AAK1: variants seen among roughly 807,000 people sequenced by gnomAD.
AAK1 encodes AP2-associated protein kinase 1.
AAK1 carries 37 observed loss-of-function variants against 116.0 expected under a neutral mutation model. The observed-to-expected ratio is 0.32, with a 90% confidence interval of 0.25 to 0.42. The LOEUF (loss-of-function observed/expected upper bound fraction) is 0.42, where lower values mean the gene tolerates loss of function less well. Ranked by LOEUF, AAK1 falls within the 10% of genes least tolerant of loss-of-function variation. The pLI is 1.00. For synonymous variants in AAK1, 458 were observed against 439.9 expected, an observed-to-expected ratio of 1.04 and a Z score of -0.51; for missense variants, 919 against 1,170.6, an observed-to-expected ratio of 0.79 and a Z score of 3.14.
At chr2:69,587,295 G>A (rs749380956) in intron 2 of AAK1, among the ~76,000 whole-genome samples, 16 of 149,514 alleles carry the variant, frequency 1.1e-4, no homozygotes, top group East Asian at 4.0e-4. Context: ...GTATACACAC[G>A]TATATACGCA....
At chr2:69,571,364 GAGAC>G (rs1367286165) in intron 2 of AAK1, among the ~76,000 whole-genome samples, 2 of 152,186 alleles carry the variant, frequency 1.3e-5, no homozygotes, top group African/African-American at 4.8e-5. Context: ...GTGTTCCAGA[GAGAC>G]AGACAGAGAG....
rs187444876 is a variant in AAK1, at chr2:69,461,872, G to A, written c.*13997C>T. 703 of 198,346 alleles carry A rather than the reference G, an allele frequency of 3.5e-3. 7 individuals carry two copies. Among genetic ancestry groups the A allele is most frequent in the African/African-American group, 0.016 (667 of 41,834 alleles). The allele number at this position is 198,346 out of a possible 1,614,324, so 12.3% of individuals were successfully genotyped here. On this transcript the variant is annotated 3_prime_UTR_variant, in exon 22 of 22. Transcript: ENST00000409085. Reference sequence around the variant, plus strand: ...CTCCCAAAGTGCTGGGATTACAAGCGTGAGCCACCGCGCCTGGCCTCCAGT... The same window carrying A: ...CTCCCAAAGTGCTGGGATTACAAGCATGAGCCACCGCGCCTGGCCTCCAGT...
intron 5 of AAK1, among the ~76,000 whole-genome samples, chr2:69,535,796 TG>T (rs1670443757): frequency 1.3e-5 from 2 of 151,940 alleles, no homozygotes; most frequent in African/African-American, 2.4e-5. Flanking sequence ...CAAAGAAAGC[TG>T]AAAACATGGG....
chr2:69,603,198 G>A (rs898926775), intron 2 of AAK1, among the ~76,000 whole-genome samples: 4 of 152,082 alleles, frequency 2.6e-5, no homozygotes, highest in African/African-American at 9.7e-5. Context: ...TTTCCAGTGG[G>A]ACTGTTTATA....
chr2:69,550,585 G>C (rs554808729), intron 3 of AAK1, among the ~76,000 whole-genome samples: 2 of 151,538 alleles, frequency 1.3e-5, no homozygotes, highest in Non-Finnish European at 2.9e-5. Flanking sequence ...GAGCCACTGC[G>C]TGCCCGGCCT....
chr2:69,611,611 C>A (rs1395882978), intron 2 of AAK1, among the ~76,000 whole-genome samples: 3 of 152,144 alleles, frequency 2.0e-5, no homozygotes, highest in Admixed American at 1.3e-4. Context: ...TATACATATA[C>A]CTTATTGGTT....
At position 69,643,291 on chromosome 2, in the gene AAK1, A is replaced by G; in HGVS notation, c.-234-17T>C. On this transcript the variant is annotated splice_polypyrimidine_tract_variant and intron_variant, in intron 1 of 21. Transcript: ENST00000409085. ...AGTTTAAACCTGTGATGACAGAGGA[A>G]GAAAGAGAGGATGAATCAGTAACAC... 1 of 1,371,328 alleles carries G rather than the reference A, an allele frequency of 7.3e-7. No individual in the cohort carries two copies. The highest frequency in any genetic ancestry group is 9.3e-7 in the Non-Finnish European group (1 of 1,070,014). 84.9% of individuals were successfully genotyped at this position (1,371,328 alleles called of 1,614,324 possible).
At chr2:69,478,650 C>A (rs1336897812) in intron 20 of AAK1, 3 of 287,440 alleles carry the variant, frequency 1.0e-5, no homozygotes, top group East Asian at 2.3e-4. Flanking sequence ...GACTGAGACT[C>A]CGTATGTTGT....
Position 69,475,768 on chromosome 2 carries a change from T to G in AAK1, c.*101A>C. 1 of 1,492,654 alleles carries G rather than the reference T, an allele frequency of 6.7e-7. No homozygotes were observed. 92.5% of individuals were successfully genotyped at this position (1,492,654 alleles called of 1,614,324 possible). ...AGAAAAGGGCTGGAGGGCCCCTTATTTGCAGATTTTTTTAAAAAAATCATT... is the reference window on the plus strand; with the variant it reads ...AGAAAAGGGCTGGAGGGCCCCTTATGTGCAGATTTTTTTAAAAAAATCATT... On this transcript the variant is annotated 3_prime_UTR_variant, in exon 22 of 22. Coordinates refer to ENST00000409085, the MANE Select transcript of AAK1 (RefSeq NM_014911.5).
At chr2:69,558,051 G>A (rs748890021) in intron 2 of AAK1, among the ~76,000 whole-genome samples, 38 of 152,158 alleles carry the variant, frequency 2.5e-4, no homozygotes, top group Non-Finnish European at 4.1e-4. Context: ...TTCATTAACA[G>A]AAATATATAA....
intron 17 of AAK1, among the ~76,000 whole-genome samples, chr2:69,491,937 C>T (rs1675538153): frequency 6.6e-6 from 1 of 152,082 alleles, no homozygotes. Context: ...TGGTCAAAGG[C>T]TTTATTGATC....
chr2:69,639,611 C>T (rs925590425), intron 2 of AAK1, among the ~76,000 whole-genome samples: 1 of 152,164 alleles, frequency 6.6e-6, no homozygotes, highest in Admixed American at 6.5e-5. Flanking sequence ...CCAGCACCTG[C>T]TCCTTGGGGT....
At position 69,638,406 on chromosome 2, in the gene AAK1, C is replaced by T. The variant is rs79887216; in HGVS notation, c.163+4472G>A. Among the ~76,000 whole-genome samples the T allele has an allele frequency of 3.1e-4, 47 of 152,276 alleles. 1 individual carries two copies. In the East Asian group the frequency reaches 8.3e-3, roughly 27 times the overall value. On this transcript the variant is annotated intron_variant, in intron 2 of 21. Coordinates refer to ENST00000409085, the MANE Select transcript of AAK1 (RefSeq NM_014911.5). ...TGGGACCACTCTTTCCCCAGACACTCGCTGCTCCCTTTCCCCACAATTGGC... is the reference window on the plus strand; with the variant it reads ...TGGGACCACTCTTTCCCCAGACACTTGCTGCTCCCTTTCCCCACAATTGGC...
At chr2:69,548,287 G>C (rs1288342580) in intron 3 of AAK1, among the ~76,000 whole-genome samples, 3 of 151,278 alleles carry the variant, frequency 2.0e-5, no homozygotes, top group South Asian at 2.1e-4. Flanking sequence ...GAGGAAAATA[G>C]ATTTTTTGTA....
rs1228621706 is a variant in AAK1, at chr2:69,463,968, C to T, written c.*11901G>A. On this transcript the variant is annotated 3_prime_UTR_variant, in exon 22 of 22. Coordinates refer to ENST00000409085, the MANE Select transcript of AAK1 (RefSeq NM_014911.5). ...ACCTGGCCAGCTTTATTTTAAGGCA[C>T]TAATAATAAAGGGTATGAAAAAAGC... 6.6e-6 allele frequency: 1 copy of T among 152,400 alleles called. No individual in the cohort carries two copies. Among genetic ancestry groups the T allele is most frequent in the Non-Finnish European group, 1.5e-5 (1 of 68,020 alleles). 9.4% of individuals were successfully genotyped at this position (152,400 alleles called of 1,614,324 possible). A position where few individuals can be genotyped will look rare whatever the true frequency, so the allele number is the denominator to read the frequency against.
chr2:69,465,956 T>C lies in AAK1; in HGVS notation c.*9913A>G. 1 of 1,290,894 alleles carries C rather than the reference T, an allele frequency of 7.7e-7. No individual in the cohort carries two copies. The highest frequency in any genetic ancestry group is 1.5e-5 in the African/African-American group (1 of 65,958). The allele number at this position is 1,290,894 out of a possible 1,614,324, so 80.0% of individuals were successfully genotyped here. The stretch of plus-strand genomic sequence containing the variant: ...CCTGGGAGGTGCATTGGATAACTGT[T>C]AACTCCTCCATGCTTTTCTTCTTAG... On this transcript the variant is annotated 3_prime_UTR_variant, in exon 22 of 22. Coordinates refer to ENST00000409085, the MANE Select transcript of AAK1 (RefSeq NM_014911.5).
intron 8 of AAK1, among the ~76,000 whole-genome samples, chr2:69,529,634 C>T (rs1448401757): frequency 6.6e-6 from 1 of 152,230 alleles, no homozygotes; most frequent in Non-Finnish European, 1.5e-5. Flanking sequence ...GTACTGCAAT[C>T]ATTTTCATTT....
intron 16 of AAK1, among the ~76,000 whole-genome samples, chr2:69,502,618 T>C (rs116444002): frequency 1.6e-3 from 242 of 151,962 alleles, no homozygotes; most frequent in East Asian, 7.8e-3. Context: ...CAGAACTGTC[T>C]CAAAAAATAA....
intron 16 of AAK1, 119 bp downstream of exon 16, chr2:69,505,450 A>G: frequency 3.3e-6 from 2 of 607,550 alleles, no homozygotes; most frequent in Non-Finnish European, 5.7e-6. Flanking sequence ...ATATATATAT[A>G]TATACACGGT....
Sources: gnomAD v4.1 joint callset for allele counts (sites outside exome capture counted in the v4.1 genomes callset) on GRCh38, gnomAD v4.1.1 for gene constraint, MANE v1.5 for transcripts, NCBI Gene and HGNC (gene_info 2026-07-23, HGNC 2026-07-21) for gene names.